Variants in MCPH1 observed in about 807,000 individuals in gnomAD.
The protein encoded by MCPH1 is microcephalin 1, also known as microcephalin.
In MCPH1, 104 loss-of-function variants were observed where a neutral mutation model predicts 84.5. The observed-to-expected ratio is 1.23, with a 90% CI of 1.05 to 1.45. The LOEUF (loss-of-function observed/expected upper bound fraction) is 1.45, where lower values mean the gene tolerates loss of function less well. MCPH1 is among the 40% of genes most tolerant of loss of function. The pLI is 0.00. For synonymous variants in MCPH1, 514 were observed against 366.8 expected (o/e 1.40, Z -4.58); for missense variants, 1,498 against 1,005.7 (o/e 1.49, Z -6.62).
chr8:6,513,435 C>G (rs534132339), intron 12 of MCPH1, among the ~76,000 whole-genome samples: 55 of 151,826 alleles, frequency 3.6e-4, no homozygotes, highest in African/African-American at 1.2e-3. Context: ...CGGGTTCACG[C>G]CATTCTTCTG....
chr8:6,587,496 A>T (rs1442761858), intron 12 of MCPH1, among the ~76,000 whole-genome samples: 1 of 152,192 alleles, frequency 6.6e-6, no homozygotes, highest in Non-Finnish European at 1.5e-5. Flanking sequence ...GAAGATATAG[A>T]ACACTGTTTC....
At chr8:6,484,570 G>A (rs748689644) in intron 11 of MCPH1, among the ~76,000 whole-genome samples, 3 of 152,208 alleles carry the variant, frequency 2.0e-5, no homozygotes, top group African/African-American at 4.8e-5. Flanking sequence ...GTCTGTACGC[G>A]AATATTTGTA....
intron 9 of MCPH1, among the ~76,000 whole-genome samples, chr8:6,476,762 T>C (rs1372046585): frequency 3.3e-5 from 5 of 152,360 alleles, no homozygotes; most frequent in Middle Eastern, 3.4e-3. Context: ...TCAAGACATA[T>C]TGGTTATACT....
At chr8:6,474,377 G>T in intron 9 of MCPH1, 1 of 352,588 alleles carries the variant, frequency 2.8e-6, no homozygotes, top group South Asian at 3.4e-5. Flanking sequence ...GACACTTTAG[G>T]ACTGAACTCA....
chr8:6,609,327 C>T (rs532238908), intron 12 of MCPH1, among the ~76,000 whole-genome samples: 13 of 152,274 alleles, frequency 8.5e-5, no homozygotes, highest in South Asian at 6.2e-4. Context: ...AGAAACCTAC[C>T]GCGTTCGAGT....
At chr8:6,516,883 C>T (rs1330955114) in intron 12 of MCPH1, among the ~76,000 whole-genome samples, 1 of 152,128 alleles carries the variant, frequency 6.6e-6, no homozygotes, top group Non-Finnish European at 1.5e-5. Flanking sequence ...AGGCAAAACT[C>T]TTAAATGTCT....
intron 10 of MCPH1, among the ~76,000 whole-genome samples, chr8:6,478,305 C>G (rs1341646598): frequency 2.0e-5 from 3 of 152,068 alleles, no homozygotes; most frequent in Non-Finnish European, 2.9e-5. Flanking sequence ...AATAAAAGCA[C>G]TGATCATCAA....
intron 12 of MCPH1, among the ~76,000 whole-genome samples, chr8:6,552,276 A>G (rs1301299203): frequency 1.3e-5 from 2 of 152,180 alleles, no homozygotes; most frequent in Non-Finnish European, 2.9e-5. Context: ...ACCTGAAGGG[A>G]TGAAATTACA....
intron 12 of MCPH1, chr8:6,615,629 T>C (rs1438022924): frequency 6.6e-6 from 1 of 152,212 alleles, no homozygotes; most frequent in Non-Finnish European, 1.5e-5. Flanking sequence ...ACATTTTATC[T>C]TTTAAATGTG....
At chr8:6,460,639 G>C (rs1362573499) in intron 9 of MCPH1, among the ~76,000 whole-genome samples, 1 of 151,590 alleles carries the variant, frequency 6.6e-6, no homozygotes, top group South Asian at 2.1e-4. Context: ...CTCAATTTCT[G>C]TTTTTCTTAT....
chr8:6,540,175 G>T (rs1821285796), intron 12 of MCPH1, among the ~76,000 whole-genome samples: 1 of 152,044 alleles, frequency 6.6e-6, no homozygotes, highest in South Asian at 2.1e-4. Context: ...CATATTCTTT[G>T]CATTAATTTT....
chr8:6,503,355 G>T, intron 12 of MCPH1: 1 of 1,336,128 alleles, frequency 7.5e-7, no homozygotes, highest in East Asian at 2.3e-5. Context: ...GAGGCACACT[G>T]CAGGCGTGTG....
chr8:6,457,937 G>A (rs1421697499), intron 9 of MCPH1, among the ~76,000 whole-genome samples: 2 of 152,118 alleles, frequency 1.3e-5, no homozygotes, highest in Admixed American at 6.5e-5. Flanking sequence ...TAAGGTTTGT[G>A]GCTGCCTGGC....
intron 11 of MCPH1, among the ~76,000 whole-genome samples, chr8:6,496,511 A>G (rs1302018276): frequency 2.0e-5 from 3 of 151,930 alleles, no homozygotes; most frequent in African/African-American, 7.3e-5. Flanking sequence ...CTTTCGCCAC[A>G]CGGAAGCCCC....
chr8:6,420,130 C>G (rs955579849), intron 3 of MCPH1, among the ~76,000 whole-genome samples: 1 of 151,726 alleles, frequency 6.6e-6, no homozygotes, highest in African/African-American at 2.4e-5. Flanking sequence ...CTCTTAGTTT[C>G]TTCTTTTTTT....
chr8:6,480,895 C>G lies in MCPH1; in HGVS notation c.2136+19C>G, dbSNP rs1460049499. On this transcript the variant is annotated intron_variant, in intron 11 of 13. Coordinates refer to ENST00000344683, the MANE Select transcript of MCPH1 (RefSeq NM_024596.5). ...TGATTGGGTAAGCCCTGTGTGTGAA[C>G]TGCGTATTTTAAAACAAGGCATTTT... 2 of 1,612,806 alleles carry G rather than the reference C, an allele frequency of 1.2e-6. No individual in the cohort carries two copies. Among genetic ancestry groups the G allele is most frequent in the East Asian group, 2.2e-5 (1 of 44,898 alleles).
chr8:6,622,828 C>T (rs191471297), intron 13 of MCPH1, among the ~76,000 whole-genome samples: 2 of 151,878 alleles, frequency 1.3e-5, no homozygotes, highest in Non-Finnish European at 2.9e-5. Context: ...CACCCAATGG[C>T]ATACTTTTAT....
At chr8:6,588,806 G>A (rs1197345308) in intron 12 of MCPH1, among the ~76,000 whole-genome samples, 2 of 152,242 alleles carry the variant, frequency 1.3e-5, no homozygotes, top group Non-Finnish European at 2.9e-5. Context: ...CTCACCAGCT[G>A]CCCTTGGGCC....
intron 12 of MCPH1, among the ~76,000 whole-genome samples, chr8:6,549,985 G>T (rs1823329444): frequency 6.6e-6 from 1 of 152,246 alleles, no homozygotes; most frequent in Non-Finnish European, 1.5e-5. Flanking sequence ...AAAAGGTTGG[G>T]GTTGGCTTTG....
Sources: allele counts gnomAD v4.1 joint callset (sites outside exome capture counted in the v4.1 genomes callset), GRCh38; gene constraint gnomAD v4.1.1; transcripts MANE v1.5; gene names NCBI Gene and HGNC (gene_info 2026-07-23, HGNC 2026-07-21).